Variants in FBXL2 observed in about 807,000 individuals in gnomAD.
FBXL2 encodes the protein F-box/LRR-repeat protein 2.
Under a neutral mutation model 69.2 loss-of-function variants are expected in FBXL2, and 38 were observed. The observed-to-expected ratio is 0.55, with a 90% confidence interval of 0.42 to 0.72. The LOEUF is 0.72. Ranked by LOEUF, FBXL2 falls within the 30% of genes least tolerant of loss-of-function variation. FBXL2 has a pLI of 0.00. For missense variants in FBXL2, 354 were observed against 520.3 expected (o/e 0.68, Z 3.11); for synonymous variants, 192 against 201.3 (o/e 0.95, Z 0.39).
chr3:33,310,140 A>G (rs534419822), intron 2 of FBXL2, among the ~76,000 whole-genome samples: 55 of 151,966 alleles, frequency 3.6e-4, no homozygotes, highest in Non-Finnish European at 6.8e-4. Flanking sequence ...TATTTTTAAT[A>G]GTTTTATTTT....
intron 5 of FBXL2, among the ~76,000 whole-genome samples, chr3:33,365,670 T>G (rs957746488): frequency 6.6e-6 from 1 of 152,108 alleles, no homozygotes; most frequent in Non-Finnish European, 1.5e-5. Flanking sequence ...GAACGATCCC[T>G]TGAAGCCAGG....
At chr3:33,287,158 C>A (rs2034723041) in intron 1 of FBXL2, among the ~76,000 whole-genome samples, 2 of 152,164 alleles carry the variant, frequency 1.3e-5, no homozygotes, top group African/African-American at 2.4e-5. Context: ...TGGAACCTCC[C>A]ACCCTAAAGT....
chr3:33,295,902 C>G (rs1391508130), intron 1 of FBXL2, among the ~76,000 whole-genome samples: 1 of 152,128 alleles, frequency 6.6e-6, no homozygotes, highest in Non-Finnish European at 1.5e-5. Context: ...AAATCTTTTG[C>G]CCATTGTAAA....
At chr3:33,358,445 C>T (rs2041374107) in intron 2 of FBXL2, among the ~76,000 whole-genome samples, 1 of 152,182 alleles carries the variant, frequency 6.6e-6, no homozygotes, top group East Asian at 1.9e-4. Flanking sequence ...CTCTTCCCGC[C>T]CCATCTTTCC....
At chr3:33,329,087 A>G (rs896424592) in intron 2 of FBXL2, among the ~76,000 whole-genome samples, 1 of 152,178 alleles carries the variant, frequency 6.6e-6, no homozygotes, top group Admixed American at 6.5e-5. Context: ...AGATAGTCCA[A>G]TTAAAAACAG....
At chr3:33,343,381 C>T (rs2040211424) in intron 2 of FBXL2, among the ~76,000 whole-genome samples, 1 of 130,650 alleles carries the variant, frequency 7.7e-6, no homozygotes, top group Non-Finnish European at 1.9e-5. Flanking sequence ...CTGTCCCCAA[C>T]TGAAACTTCA....
At chr3:33,283,973 A>G (rs1029410167) in intron 1 of FBXL2, among the ~76,000 whole-genome samples, 4 of 152,052 alleles carry the variant, frequency 2.6e-5, no homozygotes, top group Non-Finnish European at 4.4e-5. Context: ...CAGTCTATCA[A>G]TTTTGTTGAT....
At chr3:33,410,739 T>C in the FBXL2 span, among the ~76,000 whole-genome samples, 1 of 152,182 alleles carries the variant, frequency 6.6e-6, no homozygotes, top group East Asian at 1.9e-4. Flanking sequence ...AGAGACATGA[T>C]ATTTATGGAT....
intron 2 of FBXL2, among the ~76,000 whole-genome samples, chr3:33,333,824 C>T (rs552822475): frequency 5.3e-4 from 80 of 152,264 alleles, no homozygotes; most frequent in African/African-American, 1.7e-3. Context: ...TTCACATTCT[C>T]GCAGAGATTG....
chr3:33,406,879 G>C (rs139489723), downstream of FBXL2, among the ~76,000 whole-genome samples: 178 of 152,294 alleles, frequency 1.2e-3, 1 homozygote, highest in African/African-American at 4.1e-3. Context: ...GACACACTAA[G>C]AGTTTTGTTG....
At chr3:33,340,576 TAAAAAAA>T (rs111348589) in intron 2 of FBXL2, among the ~76,000 whole-genome samples, 13 of 110,106 alleles carry the variant, frequency 1.2e-4, no homozygotes, top group African/African-American at 3.8e-4. Flanking sequence ...TTATTTTGAT[TAAAAAAA>T]AAAAAAAAAA....
At chr3:33,380,246 A>G (rs1308650381) in intron 13 of FBXL2, among the ~76,000 whole-genome samples, 1 of 150,790 alleles carries the variant, frequency 6.6e-6, no homozygotes, top group South Asian at 2.1e-4. Context: ...AAAAAATTCA[A>G]AAGAAAAAGT....
intron 2 of FBXL2, among the ~76,000 whole-genome samples, chr3:33,339,453 A>G (rs1376709850): frequency 1.3e-5 from 2 of 152,238 alleles, no homozygotes; most frequent in East Asian, 3.8e-4. Flanking sequence ...ATTCAGGAAC[A>G]CAGAACCAAA....
intron 2 of FBXL2, among the ~76,000 whole-genome samples, chr3:33,349,921 GC>G (rs958844333): frequency 1.3e-5 from 2 of 152,112 alleles, no homozygotes; most frequent in African/African-American, 4.8e-5. Context: ...AAAACAGAAA[GC>G]ACCAGACCCG....
At chr3:33,417,065 C>G in the FBXL2 span, among the ~76,000 whole-genome samples, 1 of 152,158 alleles carries the variant, frequency 6.6e-6, no homozygotes, top group South Asian at 2.1e-4. Context: ...CTTCATCTGC[C>G]ACTCTCTTAC....
chr3:33,374,348 C>T (rs150418376), intron 9 of FBXL2, among the ~76,000 whole-genome samples: 5 of 152,078 alleles, frequency 3.3e-5, no homozygotes, highest in Non-Finnish European at 4.4e-5. Context: ...AAGAATAAAA[C>T]GCATAGGCAA....
chr3:33,360,808 G>GT (rs2041555931), intron 4 of FBXL2, among the ~76,000 whole-genome samples: 1 of 144,008 alleles, frequency 6.9e-6, no homozygotes, highest in Non-Finnish European at 1.5e-5. Context: ...TAGAGTTATT[G>GT]TTTTGAAAAA....
intron 5 of FBXL2, among the ~76,000 whole-genome samples, chr3:33,366,694 G>A (rs2041970860): frequency 6.6e-6 from 1 of 152,166 alleles, no homozygotes; most frequent in Non-Finnish European, 1.5e-5. Context: ...GCTGGGTGCG[G>A]TGGCTCATGC....
chr3:33,313,026 A>G (rs1031402342), intron 2 of FBXL2, among the ~76,000 whole-genome samples: 2 of 152,022 alleles, frequency 1.3e-5, no homozygotes, highest in Non-Finnish European at 2.9e-5. Context: ...AGGCTGAGGC[A>G]GGAGAACTGC....
Sources: gnomAD v4.1 joint callset for allele counts (sites outside exome capture counted in the v4.1 genomes callset) on GRCh38, gnomAD v4.1.1 for gene constraint, MANE v1.5 for transcripts, NCBI Gene and HGNC (gene_info 2026-07-23, HGNC 2026-07-21) for gene names.